ASIC2: variants seen among roughly 807,000 people sequenced by gnomAD.
The protein encoded by ASIC2 is acid-sensing ion channel 2.
ASIC2 carries 25 observed loss-of-function variants against 57.3 expected under a neutral mutation model. The ratio of observed to expected loss-of-function variants is 0.44; its 90% confidence interval spans 0.32 to 0.61. The LOEUF (loss-of-function observed/expected upper bound fraction) is 0.61. Ranked by LOEUF, ASIC2 falls within the 20% of genes least tolerant of loss-of-function variation. The pLI, the probability that ASIC2 is intolerant of heterozygous loss-of-function variation, is 0.06. For synonymous variants in ASIC2, 319 were observed against 307.5 expected, an observed-to-expected ratio of 1.04 and a Z score of -0.39; for missense variants, 641 against 738.1, an observed-to-expected ratio of 0.87 and a Z score of 1.52.
At chr17:33,689,559 C>A (rs185328507) in intron 1 of ASIC2, among the ~76,000 whole-genome samples, 2 of 151,394 alleles carry the variant, frequency 1.3e-5, no homozygotes, top group African/African-American at 2.4e-5. Flanking sequence ...GGCAACCAAT[C>A]TGTACCAATT....
chr17:33,879,015 T>C (rs1311651000), intron 1 of ASIC2, among the ~76,000 whole-genome samples: 3 of 152,108 alleles, frequency 2.0e-5, no homozygotes, highest in Non-Finnish European at 2.9e-5. Flanking sequence ...CTAAGCTTCA[T>C]AAGTGAAGGA....
chr17:33,615,692 C>G (rs1364577571), intron 1 of ASIC2, among the ~76,000 whole-genome samples: 1 of 152,152 alleles, frequency 6.6e-6, no homozygotes, highest in African/African-American at 2.4e-5. Flanking sequence ...AACCCATCAC[C>G]TAGATAGTCC....
intron 1 of ASIC2, among the ~76,000 whole-genome samples, chr17:33,591,162 A>G (rs1056017782): frequency 1.3e-5 from 2 of 152,038 alleles, no homozygotes; most frequent in Non-Finnish European, 2.9e-5. Context: ...CTTTGCTTTC[A>G]TTTGGGAAAG....
chr17:33,881,514 G>C (rs190185729), intron 1 of ASIC2, among the ~76,000 whole-genome samples: 1 of 152,170 alleles, frequency 6.6e-6, no homozygotes. Context: ...ACTCACAATT[G>C]CTTCAAAGAG....
chr17:33,247,635 G>A (rs1007140162), intron 1 of ASIC2, among the ~76,000 whole-genome samples: 2 of 152,222 alleles, frequency 1.3e-5, no homozygotes, highest in African/African-American at 4.8e-5. Flanking sequence ...TCTACTCTCA[G>A]CCAGGAGGCC....
chr17:33,327,260 G>A (rs1156910828), intron 1 of ASIC2, among the ~76,000 whole-genome samples: 2 of 152,036 alleles, frequency 1.3e-5, no homozygotes, highest in South Asian at 2.1e-4. Context: ...CCTTCTTTCT[G>A]AAGCCTCCCT....
At chr17:33,179,980 T>C (rs1249341808) in intron 1 of ASIC2, among the ~76,000 whole-genome samples, 1 of 152,228 alleles carries the variant, frequency 6.6e-6, no homozygotes, top group Non-Finnish European at 1.5e-5. Context: ...TTTCAATCTA[T>C]CTGTAATTCC....
intron 1 of ASIC2, among the ~76,000 whole-genome samples, chr17:33,933,158 A>G (rs2141973108): frequency 6.6e-6 from 1 of 152,266 alleles, no homozygotes; most frequent in African/African-American, 2.4e-5. Context: ...GCCTTTGCAC[A>G]TGCTGTTACT....
chr17:33,777,059 G>A (rs58909850), intron 1 of ASIC2, among the ~76,000 whole-genome samples: 11,773 of 151,974 alleles, frequency 0.077, 511 homozygotes, highest in East Asian at 0.22. Context: ...CACAGCCCAT[G>A]TAAGCTGGCA....
chr17:33,496,652 C>G (rs1913945366), intron 1 of ASIC2, among the ~76,000 whole-genome samples: 1 of 118,000 alleles, frequency 8.5e-6, no homozygotes, highest in African/African-American at 3.3e-5. Flanking sequence ...GGGTCTCACT[C>G]TGTCGCCCAG....
intron 1 of ASIC2, chr17:34,038,768 C>T (rs1907987465): frequency 1.2e-6 from 2 of 1,611,436 alleles, no homozygotes; most frequent in Admixed American, 3.3e-5. Context: ...ATTTTCAGCT[C>T]CATTGGTCTT....
chr17:33,244,239 A>G (rs1280426087), intron 1 of ASIC2, among the ~76,000 whole-genome samples: 1 of 152,200 alleles, frequency 6.6e-6, no homozygotes, highest in Non-Finnish European at 1.5e-5. Flanking sequence ...AACACTTTGC[A>G]TTGGCAGTAT....
chr17:33,282,808 C>G (rs560783574), intron 1 of ASIC2, among the ~76,000 whole-genome samples: 1 of 152,258 alleles, frequency 6.6e-6, no homozygotes, highest in East Asian at 1.9e-4. Context: ...ACAGTTCCAT[C>G]TCCTCTCACT....
chr17:33,323,193 G>A (rs367795167), intron 1 of ASIC2, among the ~76,000 whole-genome samples: 9 of 152,126 alleles, frequency 5.9e-5, no homozygotes, highest in African/African-American at 1.4e-4. Flanking sequence ...TATATTCAAC[G>A]GAAGTGGATG....
rs1159022801 is a variant in ASIC2 at position 34,156,279 on chromosome 17, A to G, written c.254T>C (p.Val85Ala). The G allele has an allele frequency of 1.2e-6, 2 of 1,614,138 alleles. No homozygotes were observed. The highest frequency in any genetic ancestry group is 2.2e-5 in the East Asian group (1 of 44,864). ...GTTACAGAGGGTCACAGCTGGGAAG[A>G]CCAGGCTTTGAGCCACCACTTCGTC... Residue 85 changes from valine to alanine, a missense_variant, in exon 1 of 10, where the codon GTC becomes GCC. Transcript: ENST00000359872. This position sits in a 1 kb window ranked among gnomAD's most constrained non-coding sequence, Gnocchi z 4.4.
chr17:33,744,102 G>C (rs899469849), intron 1 of ASIC2, among the ~76,000 whole-genome samples: 1 of 152,162 alleles, frequency 6.6e-6, no homozygotes, highest in East Asian at 1.9e-4. Context: ...AGAACATGGG[G>C]AAGTTCAAGC....
chr17:33,079,935 A>G (rs1307316741), intron 3 of ASIC2, among the ~76,000 whole-genome samples: 1 of 152,132 alleles, frequency 6.6e-6, no homozygotes, highest in African/African-American at 2.4e-5. Flanking sequence ...GGGAGCATCA[A>G]TTATGGGGTG....
At chr17:33,285,087 T>C (rs1033360682) in intron 1 of ASIC2, among the ~76,000 whole-genome samples, 2 of 152,166 alleles carry the variant, frequency 1.3e-5, no homozygotes, top group Non-Finnish European at 2.9e-5. Flanking sequence ...GCAAATCACT[T>C]AGGAGAATGA....
intron 1 of ASIC2, among the ~76,000 whole-genome samples, chr17:33,632,919 A>T (rs1906221177): frequency 6.6e-6 from 1 of 152,186 alleles, no homozygotes; most frequent in African/African-American, 2.4e-5. Context: ...CTTCAAATAT[A>T]GTTGGGGTTC....
Sources: gnomAD v4.1 joint callset for allele counts (sites outside exome capture counted in the v4.1 genomes callset) on GRCh38, gnomAD v4.1.1 for gene constraint, Gnocchi (gnomAD v3.1) non-coding constraint, MANE v1.5 for transcripts, NCBI Gene and HGNC (gene_info 2026-07-23, HGNC 2026-07-21) for gene names.